ODAD2: variants seen among roughly 807,000 people sequenced by gnomAD.
The protein encoded by ODAD2 is outer dynein arm docking complex subunit 2, also known as outer dynein arm-docking complex subunit 2.
ODAD2 carries 89 observed loss-of-function variants against 106.8 expected under a neutral mutation model. That is an observed-to-expected ratio of 0.83 (90% CI 0.70 to 0.99). ODAD2 has a LOEUF of 0.99. Ranked by LOEUF, ODAD2 falls within the 50% of genes least tolerant of loss-of-function variation. The pLI is 0.00. For missense variants in ODAD2, 1,168 were observed against 1,238.5 expected (o/e 0.94, Z 0.85); for synonymous variants, 404 against 436.2 (o/e 0.93, Z 0.92).
At position 27,987,517 on chromosome 10, in the gene ODAD2, A is replaced by T. The variant is rs549455667; in HGVS notation, c.251T>A (p.Val84Asp). Residue 84 changes from valine (V) to aspartate (D), a missense_variant, in exon 3 of 20, where the codon GTT becomes GAT. Val to Asp is a radical substitution (Grantham distance 152, BLOSUM62 -3). This residue lies in a region of ODAD2 where 430 missense variants were observed against 452.2 expected (regional missense o/e 0.95). Coordinates refer to ENST00000305242, the MANE Select transcript of ODAD2 (RefSeq NM_018076.5). ...VSETTVKSEE[V>D]DKNGQPLLFL... ...TAGCAAAGGCTGTCCATTTTTATCA[A>T]CTTCTTCTGATTTGACTGTTGTTTC... The T allele has an allele frequency of 1.9e-6, 3 of 1,611,874 alleles. No homozygotes were observed. Among genetic ancestry groups the T allele is most frequent in the East Asian group, 2.2e-5 (1 of 44,876 alleles).
At chr10:27,926,108 G>T (rs1845243384) in intron 16 of ODAD2, among the ~76,000 whole-genome samples, 1 of 151,844 alleles carries the variant, frequency 6.6e-6, no homozygotes, top group Non-Finnish European at 1.5e-5. Flanking sequence ...TAGTCTTTGT[G>T]GGCCATCCAT....
chr10:27,961,189 A>G (rs1326900328), intron 10 of ODAD2, among the ~76,000 whole-genome samples: 1 of 152,198 alleles, frequency 6.6e-6, no homozygotes, highest in African/African-American at 2.4e-5. Context: ...TCAAAACTGT[A>G]ACGTTTCAAC....
chr10:27,977,027 C>A (rs1849234850), intron 7 of ODAD2, among the ~76,000 whole-genome samples: 1 of 151,784 alleles, frequency 6.6e-6, no homozygotes, highest in Admixed American at 6.6e-5. Flanking sequence ...GCTGGAACAA[C>A]TAGATAAGCA....
intron 17 of ODAD2, among the ~76,000 whole-genome samples, chr10:27,863,748 T>A (rs1342395912): frequency 6.6e-6 from 1 of 151,920 alleles, no homozygotes; most frequent in East Asian, 1.9e-4. Flanking sequence ...CAAAAAGTTA[T>A]CCAGCGTGAA....
Position 27,845,595 on chromosome 10 carries a change from C to T in ODAD2, c.3021+15030G>A, listed in dbSNP as rs938416354. ...AATATTAACTTTAAATGTAAATGGG[C>T]TAAATGCTCCAATTAAAAGACACAG... On this transcript the variant is annotated intron_variant, in intron 19 of 19. Coordinates refer to ENST00000305242, the MANE Select transcript of ODAD2 (RefSeq NM_018076.5). Among the ~76,000 whole-genome samples, 25 of 152,118 alleles carry T rather than the reference C, an allele frequency of 1.6e-4. 1 individual carries two copies. The highest frequency in any genetic ancestry group is 2.9e-5 in the Non-Finnish European group (2 of 68,026).
At chr10:27,998,535 T>C (rs1850692402) in intron 1 of ODAD2, among the ~76,000 whole-genome samples, 1 of 147,898 alleles carries the variant, frequency 6.8e-6, no homozygotes, top group Non-Finnish European at 1.5e-5. Context: ...CGGGAGGTGA[T>C]GGGGCCGAGG....
intron 19 of ODAD2, among the ~76,000 whole-genome samples, chr10:27,823,357 A>G (rs569380283): frequency 4.4e-4 from 67 of 151,942 alleles, no homozygotes; most frequent in African/African-American, 1.5e-3. Flanking sequence ...GTAGATGGCA[A>G]TTCTCTGGAA....
chr10:27,936,827 C>T lies in ODAD2; in HGVS notation c.2151G>A (p.Lys717=), dbSNP rs375534822. ...RDLVRLHGGL[K]PLASLLNNTD... is the part of the protein sequence containing the mutation. Reference sequence around the variant, plus strand: ...TGTTATTGAGTAGACTGGCCAAGGGCTTAAGTCCTCCGTGCAGCCTAACGA... The same window carrying T: ...TGTTATTGAGTAGACTGGCCAAGGGTTTAAGTCCTCCGTGCAGCCTAACGA... Residue 717 remains lysine, a synonymous_variant, in exon 15 of 20, where the codon AAG becomes AAA. Transcript: ENST00000305242. 5.3e-5 allele frequency: 85 copies of T among 1,613,846 alleles called. No individual in the cohort carries two copies. Among genetic ancestry groups the T allele is most frequent in the Admixed American group, 2.7e-4 (16 of 59,974 alleles).
At chr10:27,857,630 T>C (rs1238521359) in intron 19 of ODAD2, among the ~76,000 whole-genome samples, 1 of 152,216 alleles carries the variant, frequency 6.6e-6, no homozygotes, top group Non-Finnish European at 1.5e-5. Flanking sequence ...AAACTGACTA[T>C]TCAAACTGAA....
intron 19 of ODAD2, among the ~76,000 whole-genome samples, chr10:27,817,782 G>C (rs1033035152): frequency 1.3e-5 from 2 of 152,056 alleles, no homozygotes; most frequent in East Asian, 3.9e-4. Context: ...ATTGTGAATA[G>C]TGCCGCAATA....
At chr10:27,831,346 T>C (rs556399195) in intron 19 of ODAD2, among the ~76,000 whole-genome samples, 2 of 152,138 alleles carry the variant, frequency 1.3e-5, no homozygotes, top group Non-Finnish European at 2.9e-5. Flanking sequence ...TCCACCGTTA[T>C]AGACCCAGGA....
intron 19 of ODAD2, among the ~76,000 whole-genome samples, chr10:27,845,626 C>A (rs1454188632): frequency 2.6e-5 from 4 of 152,140 alleles, no homozygotes; most frequent in Non-Finnish European, 5.9e-5. Flanking sequence ...CACAGACTGA[C>A]AAATTGGATG....
At chr10:27,979,855 AAACC>A (rs1849435385) in intron 7 of ODAD2, among the ~76,000 whole-genome samples, 1 of 152,210 alleles carries the variant, frequency 6.6e-6, no homozygotes, top group Admixed American at 6.5e-5. Flanking sequence ...CAGAAATGTA[AAACC>A]AAGCCTAAAA....
intron 16 of ODAD2, among the ~76,000 whole-genome samples, chr10:27,918,171 C>T (rs1844525676): frequency 6.6e-6 from 1 of 151,810 alleles, no homozygotes; most frequent in Non-Finnish European, 1.5e-5. Context: ...TCAACTTGTC[C>T]TATAGGGCCT....
At chr10:27,872,782 A>T (rs1841002728) in intron 17 of ODAD2, among the ~76,000 whole-genome samples, 1 of 152,152 alleles carries the variant, frequency 6.6e-6, no homozygotes, top group Non-Finnish European at 1.5e-5. Context: ...AGATTTTTGC[A>T]ACGATGTTCA....
chr10:27,971,065 T>A (rs1433171047), intron 8 of ODAD2, 43 bp downstream of exon 8: 1 of 1,275,126 alleles, frequency 7.8e-7, no homozygotes. Context: ...GTGAGTATGG[T>A]TACTAATGCT....
At chr10:27,873,749 A>G (rs960495643) in intron 17 of ODAD2, among the ~76,000 whole-genome samples, 50 of 152,112 alleles carry the variant, frequency 3.3e-4, no homozygotes, top group African/African-American at 1.0e-3. Context: ...GTTCTTTTAC[A>G]TTTGCTGAGG....
chr10:27,845,827 G>C (rs1838700609), intron 19 of ODAD2, among the ~76,000 whole-genome samples: 1 of 152,126 alleles, frequency 6.6e-6, no homozygotes, highest in Admixed American at 6.5e-5. Flanking sequence ...AGACAAAGAA[G>C]GCCATTACAT....
intron 10 of ODAD2, among the ~76,000 whole-genome samples, chr10:27,955,286 C>T (rs1191116288): frequency 2.0e-5 from 3 of 151,986 alleles, no homozygotes; most frequent in Non-Finnish European, 4.4e-5. Context: ...TATGGCCTTC[C>T]AAACATGAAT....
Sources: allele counts gnomAD v4.1 joint callset (sites outside exome capture counted in the v4.1 genomes callset), GRCh38; gene constraint gnomAD v4.1.1; regional missense constraint gnomAD v4.1.1; transcripts MANE v1.5; gene names NCBI Gene and HGNC (gene_info 2026-07-23, HGNC 2026-07-21).